The following NFATC3 variants were observed in gnomAD, a reference collection of about 807,000 sequenced individuals.
NFATC3 encodes nuclear factor of activated T cells 3, also known as nuclear factor of activated T-cells, cytoplasmic 3.
In NFATC3, 46 loss-of-function variants were observed where a neutral mutation model predicts 98.6. That is an observed-to-expected ratio of 0.47 (90% CI 0.37 to 0.60). NFATC3 has a LOEUF of 0.60. Among genes scored for constraint, NFATC3 ranks in the 20% least tolerant of loss-of-function variants. The pLI is 0.00. For missense variants in NFATC3, 1,256 were observed against 1,295.5 expected (o/e 0.97, Z 0.47); for synonymous variants, 512 against 472.2 (o/e 1.08, Z -1.09).
intron 1 of NFATC3, among the ~76,000 whole-genome samples, chr16:68,115,959 A>G (rs902759557): frequency 3.3e-5 from 5 of 152,158 alleles, no homozygotes; most frequent in African/African-American, 1.2e-4. Context: ...AAGTCACAGT[A>G]TATACGTATG....
Position 68,228,794 on chromosome 16 carries a change from C to CT in NFATC3, c.*2324dup, listed in dbSNP as rs1437972664. The CT allele has an allele frequency of 5.2e-5, 8 of 152,466 alleles. No individual in the cohort carries two copies. Among genetic ancestry groups the CT allele is most frequent in the Admixed American group, 4.6e-4 (7 of 15,288 alleles). 9.4% of individuals were successfully genotyped at this position (152,466 alleles called of 1,614,324 possible). ...GTGCTAGTACGCACCCCCTCCTACT[C>CT]TAACTGTGCTAGCTCTTGGGTTGAG... On this transcript the variant is annotated 3_prime_UTR_variant, in exon 10 of 10. Coordinates refer to ENST00000346183, the MANE Select transcript of NFATC3 (RefSeq NM_173165.3).
chr16:68,190,224 G>A (rs1258590613), intron 8 of NFATC3, among the ~76,000 whole-genome samples: 1 of 152,172 alleles, frequency 6.6e-6, no homozygotes, highest in Non-Finnish European at 1.5e-5. Flanking sequence ...AGAGGATCAA[G>A]TGAGATGCAT....
chr16:68,090,301 C>G (rs2034633840), intron 1 of NFATC3, among the ~76,000 whole-genome samples: 1 of 138,762 alleles, frequency 7.2e-6, no homozygotes, highest in Non-Finnish European at 1.6e-5. Context: ...CGCAACCCCC[C>G]CCCCCCAACA....
intron 9 of NFATC3, among the ~76,000 whole-genome samples, chr16:68,218,870 C>A (rs985397149): frequency 2.0e-5 from 3 of 151,508 alleles, no homozygotes; most frequent in Non-Finnish European, 4.4e-5. Context: ...CCACGCCCGG[C>A]CTAGATGGTG....
chr16:68,111,298 G>T (rs1348936467), intron 1 of NFATC3, among the ~76,000 whole-genome samples: 2 of 152,198 alleles, frequency 1.3e-5, no homozygotes, highest in Non-Finnish European at 2.9e-5. Context: ...TTATGAAACT[G>T]AGTGTGCCTG....
intron 9 of NFATC3, chr16:68,212,785 C>CTTTTTTTTTTTTTT (rs534732425): frequency 1.9e-5 from 2 of 106,934 alleles, no homozygotes; most frequent in Non-Finnish European, 3.7e-5. Context: ...ATTTCTTTCT[C>CTTTTTTTTTTTTTT]TTTTTTTTTT....
At chr16:68,128,345 C>T (rs1000656046) in intron 3 of NFATC3, among the ~76,000 whole-genome samples, 17 of 151,224 alleles carry the variant, frequency 1.1e-4, no homozygotes, top group East Asian at 7.8e-4. Flanking sequence ...TATTAAGAAA[C>T]GCCAGGAAAA....
At chr16:68,209,762 G>C in intron 9 of NFATC3, 1 of 469,118 alleles carries the variant, frequency 2.1e-6, no homozygotes, top group African/African-American at 2.0e-5. Context: ...GTGGTTCGTT[G>C]CAGTTGTGTA....
chr16:68,095,289 C>T (rs973552467), intron 1 of NFATC3, among the ~76,000 whole-genome samples: 1 of 151,466 alleles, frequency 6.6e-6, no homozygotes, highest in Non-Finnish European at 1.5e-5. Context: ...TGTGATGCCT[C>T]AGCCTCTCAA....
intron 1 of NFATC3, among the ~76,000 whole-genome samples, chr16:68,088,007 CTAAGT>C (rs954620510): frequency 5.3e-5 from 8 of 152,046 alleles, no homozygotes; most frequent in Admixed American, 5.2e-4. Flanking sequence ...ATATTCACAG[CTAAGT>C]TTTCAGAATT....
At chr16:68,213,181 C>T (rs1343606745) in intron 9 of NFATC3, among the ~76,000 whole-genome samples, 5 of 150,684 alleles carry the variant, frequency 3.3e-5, no homozygotes, top group African/African-American at 4.9e-5. Flanking sequence ...TTTGGGAGGC[C>T]GAGGTGGGTG....
chr16:68,193,491 C>A (rs775851604), intron 9 of NFATC3, among the ~76,000 whole-genome samples: 6 of 151,988 alleles, frequency 3.9e-5, no homozygotes, highest in Non-Finnish European at 7.4e-5. Context: ...ATAATGAGAC[C>A]TCATTTCTAC....
intron 1 of NFATC3, among the ~76,000 whole-genome samples, chr16:68,111,379 CCTT>C (rs1240953400): frequency 6.6e-6 from 1 of 151,992 alleles, no homozygotes; most frequent in African/African-American, 2.4e-5. Context: ...TGCTGTATGC[CCTT>C]CTTTGTCTTT....
chr16:68,226,051 T>A, intron 9 of NFATC3: 1 of 221,748 alleles, frequency 4.5e-6, no homozygotes, highest in Non-Finnish European at 8.7e-6. Context: ...CAAAGAGATA[T>A]GAATTAAAGA....
intron 3 of NFATC3, among the ~76,000 whole-genome samples, chr16:68,131,680 G>A (rs528901316): frequency 1.3e-5 from 2 of 150,776 alleles, no homozygotes; most frequent in East Asian, 3.9e-4. Context: ...TAGAAACAGG[G>A]TCTCGCTATA....
At chr16:68,120,564 C>G (rs1056132667) in intron 1 of NFATC3, among the ~76,000 whole-genome samples, 1 of 138,908 alleles carries the variant, frequency 7.2e-6, no homozygotes, top group African/African-American at 2.8e-5. Context: ...GAGAGAGACT[C>G]TGTCTCAGAA....
rs1354313785 is a variant in NFATC3 at position 68,089,213 on chromosome 16, A to G, written c.103+3429A>G. ...TTGAAAAATAGTGAGGTAAGTGGAT[A>G]GAGAGTGAGGACAAGCCAAGGGCTG... is the stretch of plus-strand genomic sequence containing the variant. On this transcript the variant is annotated intron_variant, in intron 1 of 9. Coordinates refer to ENST00000346183, the MANE Select transcript of NFATC3 (RefSeq NM_173165.3). 6.1e-6 allele frequency: 6 copies of G among 985,318 alleles called. No homozygotes were observed. In the African/African-American group the frequency reaches 8.7e-5, roughly 14 times the overall value. 61.0% of individuals were successfully genotyped at this position (985,318 alleles called of 1,614,324 possible). A position where few individuals can be genotyped will look rare whatever the true frequency, so the allele number is the denominator to read the frequency against.
chr16:68,212,046 A>C (rs1197204844), intron 9 of NFATC3, among the ~76,000 whole-genome samples: 1 of 152,178 alleles, frequency 6.6e-6, no homozygotes, highest in African/African-American at 2.4e-5. Context: ...TATGATTTTT[A>C]TGCTGCTGTA....
chr16:68,164,937 A>G (rs1426018138), intron 4 of NFATC3, among the ~76,000 whole-genome samples: 1 of 152,228 alleles, frequency 6.6e-6, no homozygotes, highest in African/African-American at 2.4e-5. Flanking sequence ...AGATAATTTA[A>G]TACTTATTTT....
Sources: gnomAD v4.1 joint callset for allele counts (sites outside exome capture counted in the v4.1 genomes callset) on GRCh38, gnomAD v4.1.1 for gene constraint, MANE v1.5 for transcripts, NCBI Gene and HGNC (gene_info 2026-07-23, HGNC 2026-07-21) for gene names.